Variants in SMOC1 observed in about 807,000 individuals in gnomAD.
SMOC1 encodes SPARC-related modular calcium-binding protein 1.
Under a neutral mutation model 56.3 loss-of-function variants are expected in SMOC1, and 22 were observed. That is an observed-to-expected ratio of 0.39 (90% CI 0.28 to 0.56). SMOC1 has a LOEUF of 0.56. Among genes scored for constraint, SMOC1 ranks in the 20% least tolerant of loss-of-function variants. SMOC1 has a pLI of 0.61. For synonymous variants in SMOC1, 193 were observed against 215.0 expected (o/e 0.90, Z 0.89); for missense variants, 509 against 565.4 (o/e 0.90, Z 1.01).
chr14:70,009,824 T>A (rs1430150866), intron 7 of SMOC1, among the ~76,000 whole-genome samples: 2 of 152,208 alleles, frequency 1.3e-5, no homozygotes, highest in South Asian at 4.1e-4. Flanking sequence ...CTTTCTTTTT[T>A]AAAACTTCTT....
At chr14:70,003,960 C>CT (rs1328053838) in intron 7 of SMOC1, among the ~76,000 whole-genome samples, 8 of 152,288 alleles carry the variant, frequency 5.3e-5, no homozygotes, top group Non-Finnish European at 1.0e-4. Flanking sequence ...GGTCCCAGTC[C>CT]TTTTTTGTGT....
At chr14:69,928,026 G>A (rs1366126283) in intron 1 of SMOC1, among the ~76,000 whole-genome samples, 1 of 152,144 alleles carries the variant, frequency 6.6e-6, no homozygotes, top group Non-Finnish European at 1.5e-5. Flanking sequence ...AGGGATGCTG[G>A]GCACGATGCA....
intron 1 of SMOC1, among the ~76,000 whole-genome samples, chr14:69,949,725 G>A (rs10141617): frequency 0.33 from 50,423 of 151,892 alleles, 8,550 homozygotes; most frequent in Admixed American, 0.41. Context: ...TGGGAAGCAG[G>A]CCCGTGTGCC....
chr14:69,881,334 C>T (rs1044871105), intron 1 of SMOC1, among the ~76,000 whole-genome samples: 2 of 152,094 alleles, frequency 1.3e-5, no homozygotes, highest in Admixed American at 1.3e-4. Context: ...TCTGGATGGC[C>T]GCCCACAGGA....
intron 1 of SMOC1, among the ~76,000 whole-genome samples, chr14:69,924,132 C>G (rs1317720619): frequency 6.6e-6 from 1 of 152,244 alleles, no homozygotes; most frequent in Non-Finnish European, 1.5e-5. Flanking sequence ...CTCCCACAGA[C>G]TTTCCTGTCT....
chr14:69,952,437 A>G, intron 2 of SMOC1, 134 bp downstream of exon 2: 1 of 1,033,056 alleles, frequency 9.7e-7, no homozygotes, highest in South Asian at 1.4e-5. Context: ...CACCCCTTCC[A>G]CCAGGGCCAA....
intron 11 of SMOC1, among the ~76,000 whole-genome samples, chr14:70,025,617 C>T (rs1405890274): frequency 6.6e-6 from 1 of 152,156 alleles, no homozygotes; most frequent in African/African-American, 2.4e-5. Context: ...ATGCTTGGGA[C>T]CAGAAGTGTT....
intron 1 of SMOC1, among the ~76,000 whole-genome samples, chr14:69,941,207 T>C (rs1036844324): frequency 6.6e-6 from 1 of 152,216 alleles, no homozygotes; most frequent in Non-Finnish European, 1.5e-5. Context: ...ATATTCTCCA[T>C]GGGCAGCAAC....
chr14:69,977,167 C>A (rs1415408159), intron 4 of SMOC1, among the ~76,000 whole-genome samples: 2 of 152,168 alleles, frequency 1.3e-5, no homozygotes, highest in Non-Finnish European at 2.9e-5. Flanking sequence ...AATAGAGATT[C>A]TTTTCTTTTG....
intron 3 of SMOC1, among the ~76,000 whole-genome samples, chr14:69,975,073 G>A (rs900513998): frequency 6.6e-6 from 1 of 152,142 alleles, no homozygotes; most frequent in African/African-American, 2.4e-5. Flanking sequence ...ACTGGGTGCG[G>A]TGGCTCACGC....
intron 5 of SMOC1, among the ~76,000 whole-genome samples, chr14:69,991,814 C>A (rs1884577663): frequency 6.6e-6 from 1 of 152,156 alleles, no homozygotes; most frequent in African/African-American, 2.4e-5. Flanking sequence ...TCTAATGATT[C>A]CTGATTCTCT....
chr14:69,983,836 G>C (rs1884269060), intron 5 of SMOC1, among the ~76,000 whole-genome samples: 1 of 152,222 alleles, frequency 6.6e-6, no homozygotes, highest in Non-Finnish European at 1.5e-5. Flanking sequence ...GACAGGCCTT[G>C]GGCCTGCTTC....
chr14:69,889,664 G>C (rs1164796751), intron 1 of SMOC1, among the ~76,000 whole-genome samples: 1 of 152,152 alleles, frequency 6.6e-6, no homozygotes, highest in Non-Finnish European at 1.5e-5. Context: ...CACAAACTTA[G>C]TGACTTAAAC....
intron 1 of SMOC1, among the ~76,000 whole-genome samples, chr14:69,895,471 A>T (rs543685715): frequency 1.3e-5 from 2 of 152,352 alleles, no homozygotes; most frequent in East Asian, 3.9e-4. Context: ...AGCATGTTTG[A>T]TCTGAAGGTC....
chr14:70,012,336 T>A (rs1466365763), intron 9 of SMOC1, among the ~76,000 whole-genome samples: 1 of 152,208 alleles, frequency 6.6e-6, no homozygotes, highest in Non-Finnish European at 1.5e-5. Flanking sequence ...CAAATGTGAA[T>A]TGAGATTCTA....
chr14:69,974,804 T>A (rs1465851948), intron 3 of SMOC1, among the ~76,000 whole-genome samples: 4 of 152,130 alleles, frequency 2.6e-5, no homozygotes, highest in Non-Finnish European at 4.4e-5. Flanking sequence ...TTGAGGAAGA[T>A]CACACAGTGG....
At chr14:69,913,459 TGTGTGTGTGTGTGC>T (rs1481229426) in intron 1 of SMOC1, among the ~76,000 whole-genome samples, 1 of 151,698 alleles carries the variant, frequency 6.6e-6, no homozygotes, top group African/African-American at 2.4e-5. Context: ...AATTGGCGTG[TGTGTGTGTGTGTGC>T]GTGTGTGTGT....
chr14:70,016,905 C>T (rs955538122), intron 10 of SMOC1, among the ~76,000 whole-genome samples: 3 of 152,148 alleles, frequency 2.0e-5, no homozygotes, highest in Non-Finnish European at 2.9e-5. Flanking sequence ...ACCTCAGCAC[C>T]CCTTTTTAAC....
chr14:70,010,612 G>C, intron 7 of SMOC1, 142 bp from the exon 8 acceptor site: 1 of 864,538 alleles, frequency 1.2e-6, no homozygotes, highest in South Asian at 1.5e-5. Flanking sequence ...ACAGCTCTCT[G>C]TGGTAATTCA....
Sources: allele counts gnomAD v4.1 joint callset (sites outside exome capture counted in the v4.1 genomes callset), GRCh38; gene constraint gnomAD v4.1.1; transcripts MANE v1.5; gene names NCBI Gene and HGNC (gene_info 2026-07-23, HGNC 2026-07-21).